TBC1D22A: variants seen among roughly 807,000 people sequenced by gnomAD.
The protein encoded by TBC1D22A is putative GTPase activator.
Under a neutral mutation model 60.2 loss-of-function variants are expected in TBC1D22A, and 38 were observed. The observed-to-expected ratio is 0.63, with a 90% CI of 0.49 to 0.83. TBC1D22A has a LOEUF of 0.83. TBC1D22A is among the 40% of genes least tolerant of loss of function. The pLI is 0.00. For missense variants in TBC1D22A, 628 were observed against 701.0 expected, an observed-to-expected ratio of 0.90 and a Z score of 1.18; for synonymous variants, 302 against 281.7, an observed-to-expected ratio of 1.07 and a Z score of -0.72.
At chr22:46,909,320 A>C (rs963124695) in intron 7 of TBC1D22A, among the ~76,000 whole-genome samples, 2 of 151,762 alleles carry the variant, frequency 1.3e-5, no homozygotes, top group Non-Finnish European at 2.9e-5. Context: ...ACACTCACAC[A>C]CTCACTCACT....
intron 11 of TBC1D22A, among the ~76,000 whole-genome samples, chr22:47,080,278 A>G (rs2147558314): frequency 6.6e-6 from 1 of 152,366 alleles, no homozygotes; most frequent in East Asian, 1.9e-4. Context: ...GCTTGATCTC[A>G]TTGACATTTA....
intron 8 of TBC1D22A, among the ~76,000 whole-genome samples, chr22:46,973,308 C>T (rs1170300058): frequency 6.6e-6 from 1 of 152,232 alleles, no homozygotes; most frequent in Non-Finnish European, 1.5e-5. Context: ...CCCTGCCCCT[C>T]TTTACCCCGC....
chr22:47,101,106 C>A (rs1415567879), intron 11 of TBC1D22A, among the ~76,000 whole-genome samples: 1 of 152,190 alleles, frequency 6.6e-6, no homozygotes, highest in Non-Finnish European at 1.5e-5. Context: ...TCAGTCAAAG[C>A]TGCTGTTTCT....
chr22:46,900,389 A>G (rs1239257626), intron 7 of TBC1D22A, among the ~76,000 whole-genome samples: 2 of 152,014 alleles, frequency 1.3e-5, no homozygotes, highest in Non-Finnish European at 2.9e-5. Context: ...TGACCTGGAG[A>G]TCCACCCTCC....
chr22:47,099,957 G>A (rs1165907645), intron 11 of TBC1D22A, among the ~76,000 whole-genome samples: 1 of 152,210 alleles, frequency 6.6e-6, no homozygotes, highest in Non-Finnish European at 1.5e-5. Flanking sequence ...TGAGGGCCTC[G>A]AGCACCAGAG....
chr22:46,953,071 G>A (rs2073003453), intron 8 of TBC1D22A, among the ~76,000 whole-genome samples: 1 of 152,120 alleles, frequency 6.6e-6, no homozygotes, highest in African/African-American at 2.4e-5. Flanking sequence ...CACACTGAAC[G>A]GGTGGGGGTC....
At chr22:46,911,072 C>T (rs2069882023) in intron 7 of TBC1D22A, among the ~76,000 whole-genome samples, 1 of 152,034 alleles carries the variant, frequency 6.6e-6, no homozygotes, top group African/African-American at 2.4e-5. Flanking sequence ...GGTCTTCAGC[C>T]AGGTGTGCAC....
Position 47,175,322 on chromosome 22 carries a change from C to T in TBC1D22A, c.*1696C>T, listed in dbSNP as rs2147248576. On this transcript the variant is annotated 3_prime_UTR_variant, in exon 13 of 13. Transcript: ENST00000337137. Reference sequence around the variant, plus strand: ...CCTCAGACCAGCCATGCCTCCTCCTCCTGCCGCCTCCTTTTCTAGATGGGG... The same window carrying T: ...CCTCAGACCAGCCATGCCTCCTCCTTCTGCCGCCTCCTTTTCTAGATGGGG... 1 of 152,590 alleles carries T rather than the reference C, an allele frequency of 6.6e-6. No individual in the cohort carries two copies. 9.5% of individuals were successfully genotyped at this position (152,590 alleles called of 1,614,324 possible).
rs546624494 is a variant in TBC1D22A, at chr22:46,839,213, A to G, written c.638-39440A>G. Among the ~76,000 whole-genome samples, 362 of 152,358 alleles carry G rather than the reference A, an allele frequency of 2.4e-3. 13 individuals are homozygous for G. In the South Asian group the frequency reaches 0.069, roughly 29 times the overall value. On this transcript the variant is annotated intron_variant, in intron 4 of 12. Coordinates refer to ENST00000337137, the MANE Select transcript of TBC1D22A (RefSeq NM_014346.5). ...TTCTATACACTAACAACAACTCTCC[A>G]AGAAACTTAAGAAAGCCCCATTTAC...
At chr22:46,904,142 T>TCTATCTATCTGCCTAC (rs57116517) in intron 7 of TBC1D22A, among the ~76,000 whole-genome samples, 3,273 of 134,528 alleles carry the variant, frequency 0.024, 80 homozygotes, top group Non-Finnish European at 0.033. Flanking sequence ...TATCTATCTA[T>TCTATCTATCTGCCTAC]CTACCTACCT....
chr22:47,017,265 G>A (rs1332307888), intron 10 of TBC1D22A, among the ~76,000 whole-genome samples: 1 of 152,186 alleles, frequency 6.6e-6, no homozygotes, highest in Non-Finnish European at 1.5e-5. Flanking sequence ...AGTCACATGG[G>A]CGCATGGGAG....
At chr22:46,774,891 G>A (rs761399390) in intron 1 of TBC1D22A, among the ~76,000 whole-genome samples, 8 of 152,246 alleles carry the variant, frequency 5.3e-5, no homozygotes, top group East Asian at 1.9e-4. Context: ...GAGCCCGGCC[G>A]ATGCTGATAG....
At chr22:47,114,106 C>T (rs544798169) in intron 12 of TBC1D22A, among the ~76,000 whole-genome samples, 33 of 152,270 alleles carry the variant, frequency 2.2e-4, no homozygotes, top group African/African-American at 6.7e-4. Flanking sequence ...GCTGTTGGGC[C>T]GGAGACATTG....
chr22:46,874,085 C>T (rs6009013), intron 4 of TBC1D22A, among the ~76,000 whole-genome samples: 1,901 of 152,302 alleles, frequency 0.012, 44 homozygotes, highest in African/African-American at 0.044. Context: ...GCTGGGATTA[C>T]AGGCGTGAGC....
At chr22:47,026,592 T>A (rs2148356904) in intron 10 of TBC1D22A, among the ~76,000 whole-genome samples, 1 of 152,350 alleles carries the variant, frequency 6.6e-6, no homozygotes, top group East Asian at 1.9e-4. Context: ...AAAAATAAAC[T>A]TTATTTTTGT....
At chr22:46,930,532 T>G (rs542393319) in intron 8 of TBC1D22A, among the ~76,000 whole-genome samples, 1 of 152,248 alleles carries the variant, frequency 6.6e-6, no homozygotes, top group South Asian at 2.1e-4. Flanking sequence ...CTTGGCTCAC[T>G]GCAAGCTCCA....
At chr22:46,886,801 G>T (rs896240431) in intron 5 of TBC1D22A, among the ~76,000 whole-genome samples, 1 of 152,182 alleles carries the variant, frequency 6.6e-6, no homozygotes, top group African/African-American at 2.4e-5. Flanking sequence ...AGGCCATGTG[G>T]TCTCCTGTAG....
intron 4 of TBC1D22A, among the ~76,000 whole-genome samples, chr22:46,827,420 A>T (rs2086117255): frequency 6.6e-6 from 1 of 152,228 alleles, no homozygotes; most frequent in Non-Finnish European, 1.5e-5. Context: ...CTAAAACATG[A>T]CTACCTCACC....
At chr22:47,015,718 C>T (rs2061888399) in intron 10 of TBC1D22A, among the ~76,000 whole-genome samples, 1 of 152,216 alleles carries the variant, frequency 6.6e-6, no homozygotes, top group South Asian at 2.1e-4. Context: ...GATGAGAGAT[C>T]CAACATCCCT....
Sources: allele counts gnomAD v4.1 joint callset (sites outside exome capture counted in the v4.1 genomes callset), GRCh38; gene constraint gnomAD v4.1.1; transcripts MANE v1.5; gene names NCBI Gene and HGNC (gene_info 2026-07-23, HGNC 2026-07-21).